Variants in SGCZ observed in about 807,000 individuals in gnomAD.
SGCZ encodes sarcoglycan zeta.
A neutral mutation model predicts 41.3 loss-of-function variants in SGCZ; 40 were observed. The observed-to-expected ratio is 0.97, with a 90% CI of 0.75 to 1.26. SGCZ has a LOEUF of 1.26. Ranked by LOEUF, SGCZ falls within the 50% of genes most tolerant of loss-of-function variation. The pLI, the probability that SGCZ is intolerant of heterozygous loss-of-function variation, is 0.00. For missense variants in SGCZ, 552 were observed against 369.8 expected, an observed-to-expected ratio of 1.49 and a Z score of -4.04; for synonymous variants, 206 against 137.5, an observed-to-expected ratio of 1.50 and a Z score of -3.49.
intron 1 of SGCZ, among the ~76,000 whole-genome samples, chr8:15,196,702 G>A (rs1034084914): frequency 6.6e-6 from 1 of 152,160 alleles, no homozygotes; most frequent in Non-Finnish European, 1.5e-5. Context: ...AGTTACATAT[G>A]TATACGTGTG....
At chr8:14,770,707 G>A (rs530937316) in intron 1 of SGCZ, among the ~76,000 whole-genome samples, 2 of 152,182 alleles carry the variant, frequency 1.3e-5, no homozygotes, top group African/African-American at 4.8e-5. Flanking sequence ...ATAAAGTGCT[G>A]TTGAAATGAA....
chr8:14,637,860 G>T (rs981224231), intron 1 of SGCZ, among the ~76,000 whole-genome samples: 1 of 151,756 alleles, frequency 6.6e-6, no homozygotes, highest in African/African-American at 2.4e-5. Flanking sequence ...TTCACTGGCT[G>T]GTAGCTTTGT....
intron 1 of SGCZ, among the ~76,000 whole-genome samples, chr8:15,091,420 T>C (rs751540698): frequency 4.6e-5 from 7 of 152,238 alleles, no homozygotes; most frequent in Non-Finnish European, 8.8e-5. Context: ...TTCACTTATA[T>C]CCTTAGAAAT....
intron 2 of SGCZ, among the ~76,000 whole-genome samples, chr8:14,536,026 A>G (rs1377090618): frequency 6.6e-6 from 1 of 151,874 alleles, no homozygotes; most frequent in East Asian, 1.9e-4. Context: ...GCTTTGGCAG[A>G]TACAAGTTTA....
chr8:14,098,299 T>C (rs1411530227), intron 7 of SGCZ, among the ~76,000 whole-genome samples: 2 of 152,156 alleles, frequency 1.3e-5, no homozygotes, highest in African/African-American at 4.8e-5. Context: ...ATTTGTTCTA[T>C]TTTTTTAAGA....
intron 1 of SGCZ, among the ~76,000 whole-genome samples, chr8:14,607,441 C>A (rs973009283): frequency 1.3e-5 from 2 of 152,088 alleles, no homozygotes; most frequent in African/African-American, 2.4e-5. Context: ...TTAGGTAATT[C>A]AATACTAGTT....
intron 1 of SGCZ, among the ~76,000 whole-genome samples, chr8:14,823,008 C>T (rs547404382): frequency 6.2e-5 from 9 of 144,970 alleles, no homozygotes; most frequent in Admixed American, 1.4e-4. Flanking sequence ...AAGCCAAGAT[C>T]GCGCCACTGC....
chr8:15,056,634 G>GT (rs1198857983), intron 1 of SGCZ, among the ~76,000 whole-genome samples: 1 of 151,754 alleles, frequency 6.6e-6, no homozygotes, highest in Non-Finnish European at 1.5e-5. Flanking sequence ...TAATCTAAAT[G>GT]TTTTTTCCAC....
chr8:14,169,624 C>T (rs1427508970), intron 4 of SGCZ, among the ~76,000 whole-genome samples: 1 of 152,176 alleles, frequency 6.6e-6, no homozygotes, highest in Non-Finnish European at 1.5e-5. Flanking sequence ...CTTCCTGTAG[C>T]CAGTCCACAG....
Position 15,232,678 on chromosome 8 carries a change from TATATATATATATGTGTGTATATATATAC to T in SGCZ, c.39+4879_39+4906del. Among the ~76,000 whole-genome samples the T allele has an allele frequency of 7.4e-5, 4 of 54,298 alleles. No individual in the cohort carries two copies. The South Asian group carries it at 1.2e-3, about 17-fold the overall frequency. The allele number at this position is 54,298 out of a possible 152,430, so 35.6% of individuals were successfully genotyped here. ...ATATATACATATATATGTGTGTGTA[TATATATATATATGTGTGTATATATATAC>T]ATATATATGTGTGTATATATATACA... is the stretch of plus-strand genomic sequence containing the variant. On this transcript the variant is annotated intron_variant, in intron 1 of 7. Coordinates refer to ENST00000382080, the MANE Select transcript of SGCZ (RefSeq NM_139167.4).
intron 1 of SGCZ, among the ~76,000 whole-genome samples, chr8:14,726,665 A>G (rs1810066301): frequency 6.6e-6 from 1 of 151,766 alleles, no homozygotes; most frequent in South Asian, 2.1e-4. Flanking sequence ...GTATAAATAC[A>G]GAATAGATTA....
intron 1 of SGCZ, among the ~76,000 whole-genome samples, chr8:15,216,740 T>C (rs1801416302): frequency 6.6e-6 from 1 of 152,118 alleles, no homozygotes; most frequent in Non-Finnish European, 1.5e-5. Flanking sequence ...GCATTAAATT[T>C]GGTCATAGTA....
chr8:14,795,097 G>C (rs1220831306), intron 1 of SGCZ, among the ~76,000 whole-genome samples: 1 of 152,136 alleles, frequency 6.6e-6, no homozygotes, highest in African/African-American at 2.4e-5. Context: ...GGAAACAGAA[G>C]ACCCAACACA....
At chr8:15,205,030 A>G (rs1801015922) in intron 1 of SGCZ, among the ~76,000 whole-genome samples, 1 of 152,212 alleles carries the variant, frequency 6.6e-6, no homozygotes, top group Non-Finnish European at 1.5e-5. Flanking sequence ...TTTTTTCATG[A>G]AAATTCAATT....
chr8:14,249,341 G>C (rs1268857742), intron 3 of SGCZ, among the ~76,000 whole-genome samples: 1 of 151,748 alleles, frequency 6.6e-6, no homozygotes, highest in African/African-American at 2.4e-5. Flanking sequence ...AGGCTTTCCT[G>C]GGTCTCCAAC....
intron 2 of SGCZ, among the ~76,000 whole-genome samples, chr8:14,400,742 G>T (rs147963705): frequency 6.8e-6 from 1 of 146,636 alleles, no homozygotes; most frequent in East Asian, 2.0e-4. Context: ...GCAAAGCTAA[G>T]ACTTTGTAAT....
intron 1 of SGCZ, among the ~76,000 whole-genome samples, chr8:15,122,718 T>G (rs773463405): frequency 6.6e-6 from 1 of 152,176 alleles, no homozygotes; most frequent in African/African-American, 2.4e-5. Context: ...CCTGTTGACT[T>G]TTTATACTAC....
intron 5 of SGCZ, among the ~76,000 whole-genome samples, chr8:14,128,515 A>G (rs1341514658): frequency 6.6e-6 from 1 of 152,240 alleles, no homozygotes; most frequent in East Asian, 1.9e-4. Flanking sequence ...AACTAAAAAT[A>G]GAATTATTCT....
At chr8:14,984,371 C>A (rs572184996) in intron 1 of SGCZ, among the ~76,000 whole-genome samples, 1 of 152,162 alleles carries the variant, frequency 6.6e-6, no homozygotes, top group East Asian at 1.9e-4. Flanking sequence ...ATCTACATTT[C>A]CCTGATTGTC....
Sources: allele counts gnomAD v4.1 joint callset (sites outside exome capture counted in the v4.1 genomes callset), GRCh38; gene constraint gnomAD v4.1.1; transcripts MANE v1.5; gene names NCBI Gene and HGNC (gene_info 2026-07-23, HGNC 2026-07-21).